Variants in NCKAP1 observed in about 807,000 individuals in gnomAD.
NCKAP1 encodes the protein NCK associated protein 1.
Under a neutral mutation model 151.2 loss-of-function variants are expected in NCKAP1, and 21 were observed. The observed-to-expected ratio is 0.14, with a 90% CI of 0.10 to 0.20. The LOEUF is 0.20. Ranked by LOEUF, NCKAP1 falls within the 10% of genes least tolerant of loss-of-function variation. The probability of loss-of-function intolerance (pLI) is 1.00; values close to 1 mark genes in which losing one functional copy is unlikely to be tolerated. For missense variants in NCKAP1, 933 were observed against 1,352.1 expected, an observed-to-expected ratio of 0.69 and a Z score of 4.86; for synonymous variants, 484 against 451.8, an observed-to-expected ratio of 1.07 and a Z score of -0.90.
At chr2:182,983,121 A>C (rs1575046352) in intron 11 of NCKAP1, among the ~76,000 whole-genome samples, 165 bp downstream of exon 11, 1 of 152,216 alleles carries the variant, frequency 6.6e-6, no homozygotes. Flanking sequence ...AGAAGAATGC[A>C]GGGAGGTACG....
chr2:183,031,608 T>C (rs1021977505), intron 1 of NCKAP1, among the ~76,000 whole-genome samples: 2 of 152,156 alleles, frequency 1.3e-5, no homozygotes, highest in Admixed American at 6.5e-5. Context: ...AAGTGTCCAC[T>C]ATGTTCCAAG....
At chr2:182,937,382 C>T (rs570129442) in intron 24 of NCKAP1, among the ~76,000 whole-genome samples, 2 of 152,110 alleles carry the variant, frequency 1.3e-5, no homozygotes, top group South Asian at 2.1e-4. Context: ...TTCCCTTCAC[C>T]CCACATAACA....
chr2:182,990,150 T>TTA (rs1016358580), intron 8 of NCKAP1, among the ~76,000 whole-genome samples: 10 of 151,990 alleles, frequency 6.6e-5, no homozygotes, highest in African/African-American at 2.4e-4. Context: ...CTCATATATA[T>TTA]TATTTCAAAT....
intron 24 of NCKAP1, 157 bp from the exon 25 acceptor site, chr2:182,935,532 A>C (rs1696855927): frequency 4.0e-6 from 2 of 502,728 alleles, no homozygotes; most frequent in African/African-American, 4.0e-5. Flanking sequence ...TTAAAGAGAG[A>C]AAGATGTTGA....
At chr2:183,036,261 T>C (rs935852402) in intron 1 of NCKAP1, among the ~76,000 whole-genome samples, 4 of 152,226 alleles carry the variant, frequency 2.6e-5, no homozygotes, top group Non-Finnish European at 4.4e-5. Flanking sequence ...AAATGTTTAA[T>C]AAATGCTTAG....
intron 1 of NCKAP1, among the ~76,000 whole-genome samples, chr2:183,035,581 G>A (rs558169632): frequency 6.6e-6 from 1 of 152,100 alleles, no homozygotes; most frequent in African/African-American, 2.4e-5. Flanking sequence ...GGTTTATAAT[G>A]CAGTAAGAAT....
chr2:182,942,257 A>C, intron 23 of NCKAP1, 94 bp from the exon 24 acceptor site: 1 of 878,330 alleles, frequency 1.1e-6, no homozygotes, highest in Non-Finnish European at 1.8e-6. Flanking sequence ...GCAAGTAGGA[A>C]ACACAATTCA....
At chr2:182,994,532 G>A (rs992845022) in intron 8 of NCKAP1, among the ~76,000 whole-genome samples, 1 of 152,044 alleles carries the variant, frequency 6.6e-6, no homozygotes, top group South Asian at 2.1e-4. Context: ...CCGGCTACTC[G>A]GGAGGCTGAG....
chr2:182,952,988 A>G (rs1013355674), intron 21 of NCKAP1, 65 bp from the exon 22 acceptor site: 23 of 1,518,594 alleles, frequency 1.5e-5, no homozygotes, highest in Middle Eastern at 3.5e-4. Flanking sequence ...CATGATATAC[A>G]TTCCTGCATA....
chr2:182,933,152 G>A (rs1390220690), intron 26 of NCKAP1, among the ~76,000 whole-genome samples: 1 of 152,156 alleles, frequency 6.6e-6, no homozygotes, highest in Non-Finnish European at 1.5e-5. Context: ...CTTAGAAAAT[G>A]GCAATTGAAT....
intron 8 of NCKAP1, among the ~76,000 whole-genome samples, chr2:182,992,826 A>G (rs1310449180): frequency 6.6e-6 from 1 of 152,314 alleles, no homozygotes; most frequent in East Asian, 1.9e-4. Flanking sequence ...TTTCATAAAT[A>G]TTTCACAGTG....
chr2:182,986,123 A>G (rs1418155142), intron 10 of NCKAP1, 48 bp downstream of exon 10: 2 of 1,560,926 alleles, frequency 1.3e-6, no homozygotes, highest in Non-Finnish European at 8.8e-7. Context: ...TGATGCTTTA[A>G]GAATTTTTCT....
In NCKAP1 at chr2:182,934,893, A is replaced by C; in HGVS notation, c.2779-61T>G. On this transcript the variant is annotated intron_variant, in intron 25 of 30. Coordinates refer to ENST00000361354, the MANE Select transcript of NCKAP1 (RefSeq NM_013436.5). ...TTTAAATGGCAACCCCTAAATTTAC[A>C]AAATATTACCAATTGATTAATTTTA... The C allele has an allele frequency of 6.8e-6, 5 of 734,268 alleles. No homozygotes were observed. In the Middle Eastern group the frequency reaches 7.3e-4, roughly 107 times the overall value. The allele number at this position is 734,268 out of a possible 1,614,324, so 45.5% of individuals were successfully genotyped here.
chr2:182,988,893 T>C, intron 9 of NCKAP1, 137 bp downstream of exon 9: 1 of 619,246 alleles, frequency 1.6e-6, no homozygotes, highest in Non-Finnish European at 2.6e-6. Flanking sequence ...AAAAACAACT[T>C]CCTGGGATCC....
At chr2:183,000,196 A>T (rs375831345) in intron 6 of NCKAP1, among the ~76,000 whole-genome samples, 3 of 152,342 alleles carry the variant, frequency 2.0e-5, no homozygotes, top group African/African-American at 4.8e-5. Flanking sequence ...TTTTATCAAA[A>T]TTCTAAGGTA....
rs370017155 is a variant in NCKAP1, at chr2:182,952,388, A to G, written c.2601+17T>C. 301 of 1,509,898 alleles carry G rather than the reference A, an allele frequency of 2.0e-4. 1 individual carries two copies. In the Middle Eastern group the frequency reaches 5.9e-3, roughly 29 times the overall value. The allele number at this position is 1,509,898 out of a possible 1,614,324, so 93.5% of individuals were successfully genotyped here. A position where few individuals can be genotyped will look rare whatever the true frequency, so the allele number is the denominator to read the frequency against. On this transcript the variant is annotated intron_variant, in intron 23 of 30. Coordinates refer to ENST00000361354, the MANE Select transcript of NCKAP1 (RefSeq NM_013436.5). ...GAATTAATGTTTAAAAGCTAAAATT[A>G]ATAAAGACTATATTACCTTAAGTTC...
intron 17 of NCKAP1, among the ~76,000 whole-genome samples, chr2:182,962,812 G>T (rs1697482959): frequency 6.8e-6 from 1 of 147,730 alleles, no homozygotes; most frequent in Non-Finnish European, 1.5e-5. Context: ...AAACCCTATT[G>T]CTCCCAGGAA....
intron 25 of NCKAP1, among the ~76,000 whole-genome samples, chr2:182,935,075 A>G (rs779767113): frequency 3.3e-5 from 5 of 152,226 alleles, no homozygotes; most frequent in Non-Finnish European, 7.3e-5. Context: ...CTGAAAAAGT[A>G]GTGCAATAAC....
chr2:182,935,826 A>C (rs1696863528), intron 24 of NCKAP1, among the ~76,000 whole-genome samples: 1 of 152,156 alleles, frequency 6.6e-6, no homozygotes. Context: ...TAAATTCTTA[A>C]ATTGTTAAGG....
Sources: allele counts gnomAD v4.1 joint callset (sites outside exome capture counted in the v4.1 genomes callset), GRCh38; gene constraint gnomAD v4.1.1; transcripts MANE v1.5; gene names NCBI Gene and HGNC (gene_info 2026-07-23, HGNC 2026-07-21).